The following CSMD1 variants were observed in gnomAD, a reference collection of about 807,000 sequenced individuals.
The protein encoded by CSMD1 is CUB and sushi domain-containing protein 1.
CSMD1 carries 213 observed loss-of-function variants against 417.5 expected under a neutral mutation model. The observed-to-expected ratio is 0.51, with a 90% CI of 0.46 to 0.57. The LOEUF (loss-of-function observed/expected upper bound fraction) is 0.57, where lower values mean the gene tolerates loss of function less well. Ranked by LOEUF, CSMD1 falls within the 20% of genes least tolerant of loss-of-function variation. The probability of loss-of-function intolerance (pLI) is 0.00; values close to 1 mark genes in which losing one functional copy is unlikely to be tolerated. For synonymous variants in CSMD1, 2,862 were observed against 1,736.8 expected (o/e 1.65, Z -16.11); for missense variants, 6,923 against 4,529.7 (o/e 1.53, Z -15.17).
intron 3 of CSMD1, among the ~76,000 whole-genome samples, chr8:4,359,059 T>C (rs190630605): frequency 2.0e-5 from 3 of 152,118 alleles, no homozygotes; most frequent in African/African-American, 7.2e-5. Flanking sequence ...ATACATGTGA[T>C]ACGAATGAAG....
At chr8:3,873,723 A>AT (rs1413716301) in intron 5 of CSMD1, among the ~76,000 whole-genome samples, 2 of 152,228 alleles carry the variant, frequency 1.3e-5, no homozygotes, top group Admixed American at 6.5e-5. Context: ...AAATAAATAA[A>AT]AAGCCTTTTT....
chr8:4,411,813 C>G (rs1796663335), intron 3 of CSMD1, among the ~76,000 whole-genome samples: 1 of 152,142 alleles, frequency 6.6e-6, no homozygotes, highest in Non-Finnish European at 1.5e-5. Flanking sequence ...ATTCACATAG[C>G]TATGCAAATA....
chr8:4,055,520 C>G (rs574024020), intron 3 of CSMD1, among the ~76,000 whole-genome samples: 43 of 140,678 alleles, frequency 3.1e-4, no homozygotes, highest in African/African-American at 1.3e-3. Context: ...AAAATCAGCT[C>G]AAATTTAATA....
rs532747921 is a variant in CSMD1 at position 3,817,301 on chromosome 8, G to C, written c.819-63259C>G. Among the ~76,000 whole-genome samples the C allele has an allele frequency of 1.6e-3, 98 of 60,198 alleles. 4 individuals are homozygous for C. The highest frequency in any genetic ancestry group is 1.9e-4 in the Non-Finnish European group (6 of 31,244). 39.5% of individuals were successfully genotyped at this position (60,198 alleles called of 152,430 possible). ...TTTTTTTTTTTTTTTTTTTTTTTGAGATGGAGTCTCGCTGTGTCACCCAGG... is the reference window on the plus strand; with the variant it reads ...TTTTTTTTTTTTTTTTTTTTTTTGACATGGAGTCTCGCTGTGTCACCCAGG... On this transcript the variant is annotated intron_variant, in intron 5 of 69. Coordinates refer to ENST00000635120, the MANE Select transcript of CSMD1 (RefSeq NM_033225.6).
intron 3 of CSMD1, among the ~76,000 whole-genome samples, chr8:4,133,666 G>C (rs1043509844): frequency 6.6e-6 from 1 of 151,872 alleles, no homozygotes; most frequent in African/African-American, 2.4e-5. Flanking sequence ...TGTAAGTGTA[G>C]GGAAAATATG....
intron 3 of CSMD1, among the ~76,000 whole-genome samples, chr8:4,265,292 T>C (rs963697854): frequency 1.3e-5 from 2 of 152,014 alleles, no homozygotes; most frequent in Non-Finnish European, 2.9e-5. Context: ...CTAAAAATAG[T>C]GAGATTAAAA....
intron 5 of CSMD1, among the ~76,000 whole-genome samples, chr8:3,943,069 T>C (rs1036314166): frequency 6.6e-6 from 1 of 152,114 alleles, no homozygotes; most frequent in African/African-American, 2.4e-5. Context: ...TGCAATAAAA[T>C]CTCTCTATTA....
intron 18 of CSMD1, among the ~76,000 whole-genome samples, chr8:3,383,242 T>C (rs756665547): frequency 1.1e-4 from 16 of 152,238 alleles, no homozygotes; most frequent in Non-Finnish European, 1.8e-4. Flanking sequence ...TCGCATCAAA[T>C]TGTTCACATT....
intron 3 of CSMD1, among the ~76,000 whole-genome samples, chr8:4,114,111 G>A (rs997865337): frequency 2.6e-5 from 4 of 152,182 alleles, no homozygotes; most frequent in Non-Finnish European, 4.4e-5. Flanking sequence ...ATGCCATCTA[G>A]GACTTTCATA....
At chr8:4,161,985 G>T (rs1387781029) in intron 3 of CSMD1, among the ~76,000 whole-genome samples, 1 of 152,046 alleles carries the variant, frequency 6.6e-6, no homozygotes. Context: ...CTTTATGGTG[G>T]CATTGTGCCT....
At chr8:4,573,321 G>A (rs532680521) in intron 2 of CSMD1, among the ~76,000 whole-genome samples, 1 of 152,106 alleles carries the variant, frequency 6.6e-6, no homozygotes, top group Non-Finnish European at 1.5e-5. Flanking sequence ...CATCCTTTTT[G>A]TTAATGTTGA....
chr8:4,397,215 A>C (rs1804299682), intron 3 of CSMD1, among the ~76,000 whole-genome samples: 1 of 152,034 alleles, frequency 6.6e-6, no homozygotes, highest in African/African-American at 2.4e-5. Flanking sequence ...AAAAAACAAG[A>C]ACAGCTCCCT....
At chr8:4,311,091 C>T (rs1798537011) in intron 3 of CSMD1, among the ~76,000 whole-genome samples, 1 of 152,160 alleles carries the variant, frequency 6.6e-6, no homozygotes, top group African/African-American at 2.4e-5. Context: ...AGCAATGTGG[C>T]ATATCTTCAA....
intron 69 of CSMD1, among the ~76,000 whole-genome samples, chr8:2,939,033 C>A (rs575376126): frequency 1.3e-5 from 2 of 152,314 alleles, no homozygotes; most frequent in South Asian, 4.1e-4. Flanking sequence ...GGCACGACCA[C>A]CACTCATTTC....
intron 1 of CSMD1, among the ~76,000 whole-genome samples, chr8:4,836,336 T>A (rs1040932609): frequency 6.6e-6 from 1 of 152,200 alleles, no homozygotes; most frequent in African/African-American, 2.4e-5. Flanking sequence ...ACCATTTCCA[T>A]GTCTTATGAA....
Position 3,456,262 on chromosome 8 carries a change from G to T in CSMD1, c.1561+12450C>A, listed in dbSNP as rs1025886800. On this transcript the variant is annotated intron_variant, in intron 12 of 69. Coordinates refer to ENST00000635120, the MANE Select transcript of CSMD1 (RefSeq NM_033225.6). ...TTCCCTGACCGCTTGCTCTTCATAG[G>T]TGGGGCGATGCCTTGCCCTGCTTCA... 2.0e-5 allele frequency among the ~76,000 whole-genome samples: 3 copies of T among 151,934 alleles called. No homozygotes were observed. In the East Asian group the frequency reaches 5.8e-4, roughly 30 times the overall value.
At chr8:3,570,378 T>C (rs1563163432) in intron 10 of CSMD1, among the ~76,000 whole-genome samples, 1 of 152,216 alleles carries the variant, frequency 6.6e-6, no homozygotes, top group South Asian at 2.1e-4. Context: ...CCGTGGCAAT[T>C]GGACCACAGG....
intron 5 of CSMD1, among the ~76,000 whole-genome samples, chr8:3,835,521 G>C (rs1167426638): frequency 6.6e-6 from 1 of 151,958 alleles, no homozygotes; most frequent in Non-Finnish European, 1.5e-5. Context: ...TGAACAATGA[G>C]AACACATGGA....
chr8:3,712,017 G>C (rs74385208), intron 6 of CSMD1, among the ~76,000 whole-genome samples: 1 of 152,122 alleles, frequency 6.6e-6, no homozygotes, highest in Admixed American at 6.5e-5. Context: ...AATAAATTTC[G>C]TACTCTTGCA....
Sources: allele counts gnomAD v4.1 joint callset (sites outside exome capture counted in the v4.1 genomes callset), GRCh38; gene constraint gnomAD v4.1.1; transcripts MANE v1.5; gene names NCBI Gene and HGNC (gene_info 2026-07-23, HGNC 2026-07-21).